DYM: variants seen among roughly 807,000 people sequenced by gnomAD.
The protein encoded by DYM is dymeclin.
In DYM, 78 loss-of-function variants were observed where a neutral mutation model predicts 93.1. That is an observed-to-expected ratio of 0.84 (90% confidence interval 0.70 to 1.01). The LOEUF is 1.01. Ranked by LOEUF, DYM falls within the 50% of genes least tolerant of loss-of-function variation. The pLI, the probability that DYM is intolerant of heterozygous loss-of-function variation, is 0.00. For synonymous variants in DYM, 321 were observed against 319.7 expected (o/e 1.00, Z -0.04); for missense variants, 789 against 845.0 (o/e 0.93, Z 0.82).
chr18:49,457,569 G>C lies in DYM; in HGVS notation c.-54+2829C>G, dbSNP rs530922336. 5.9e-5 allele frequency among the ~76,000 whole-genome samples: 9 copies of C among 152,236 alleles called. No homozygotes were observed. The South Asian group carries it at 1.7e-3, about 28-fold the overall frequency. ...CCATTCCCATTATCTACAATCCTAA[G>C]TAAAAGACGGCCCTCTCGTTGCATG... On this transcript the variant is annotated intron_variant, in intron 1 of 17. Transcript: ENST00000675505.
chr18:49,124,658 G>C (rs2082659489), intron 15 of DYM, among the ~76,000 whole-genome samples: 1 of 151,926 alleles, frequency 6.6e-6, no homozygotes, highest in Non-Finnish European at 1.5e-5. Flanking sequence ...CTCTTACATT[G>C]TTTCTGTGAC....
chr18:49,363,253 G>C lies in DYM; in HGVS notation c.422-20C>G. 6.3e-7 allele frequency: 1 copy of C among 1,590,604 alleles called. No homozygotes were observed. Among genetic ancestry groups the C allele is most frequent in the South Asian group, 1.1e-5 (1 of 90,296 alleles). On this transcript the variant is annotated intron_variant, in intron 5 of 17. Coordinates refer to ENST00000675505, the MANE Select transcript of DYM (RefSeq NM_001353214.3). ...CAGAACCTGGTAAGACACATAAAAA[G>C]ATTTTTTTTTAACAAAGTACACAGT...
intron 17 of DYM, among the ~76,000 whole-genome samples, chr18:49,083,450 G>T (rs766437729): frequency 1.3e-5 from 2 of 152,156 alleles, no homozygotes; most frequent in Non-Finnish European, 2.9e-5. Context: ...GTTCATGAGA[G>T]ATACTGGTCT....
chr18:49,092,261 G>A (rs761258799), intron 17 of DYM, among the ~76,000 whole-genome samples: 1 of 152,192 alleles, frequency 6.6e-6, no homozygotes, highest in Non-Finnish European at 1.5e-5. Context: ...AGCTGAACTT[G>A]CCTTGGGCCT....
intron 17 of DYM, among the ~76,000 whole-genome samples, chr18:49,084,867 C>T (rs192930237): frequency 6.6e-6 from 1 of 152,250 alleles, no homozygotes; most frequent in Admixed American, 6.5e-5. Flanking sequence ...AATATACACG[C>T]AGATGGTAAA....
At chr18:49,139,723 A>T (rs2084245781) in intron 15 of DYM, among the ~76,000 whole-genome samples, 1 of 152,198 alleles carries the variant, frequency 6.6e-6, no homozygotes, top group African/African-American at 2.4e-5. Flanking sequence ...TTTAGAGGAA[A>T]ATCTGGGTCT....
chr18:49,304,141 G>A (rs1411856496), intron 8 of DYM, among the ~76,000 whole-genome samples: 1 of 152,198 alleles, frequency 6.6e-6, no homozygotes, highest in Non-Finnish European at 1.5e-5. Context: ...GATGGTTTTA[G>A]GTTCCCTGGT....
At chr18:49,415,714 G>A (rs1238472177) in intron 2 of DYM, among the ~76,000 whole-genome samples, 1 of 151,870 alleles carries the variant, frequency 6.6e-6, no homozygotes, top group African/African-American at 2.4e-5. Flanking sequence ...GATTGCTTGA[G>A]GCCAGGAGTT....
intron 17 of DYM, among the ~76,000 whole-genome samples, chr18:49,090,787 C>G (rs1282724766): frequency 6.6e-6 from 1 of 152,132 alleles, no homozygotes; most frequent in Non-Finnish European, 1.5e-5. Context: ...TTTTACTCTG[C>G]TTGAACTATG....
At chr18:49,314,344 A>G (rs1020461550) in intron 8 of DYM, among the ~76,000 whole-genome samples, 5 of 152,208 alleles carry the variant, frequency 3.3e-5, no homozygotes, top group Non-Finnish European at 7.3e-5. Flanking sequence ...TACATTGAAC[A>G]TAATACTTTT....
At chr18:49,230,414 T>C (rs558556619) in intron 13 of DYM, among the ~76,000 whole-genome samples, 26 of 152,298 alleles carry the variant, frequency 1.7e-4, no homozygotes, top group African/African-American at 6.0e-4. Flanking sequence ...TCACATGTCT[T>C]TCCCATGCTA....
At chr18:49,309,381 T>A (rs559227233) in intron 8 of DYM, among the ~76,000 whole-genome samples, 35 of 152,206 alleles carry the variant, frequency 2.3e-4, no homozygotes. Flanking sequence ...ATGTCCATAA[T>A]CCCAGCATTT....
intron 8 of DYM, among the ~76,000 whole-genome samples, chr18:49,289,754 T>TATAC (rs1568181063): frequency 4.2e-5 from 2 of 47,530 alleles, no homozygotes; most frequent in Non-Finnish European, 7.4e-5. Context: ...TATATATATA[T>TATAC]ATATATATAT....
At chr18:49,370,922 C>T (rs947988055) in intron 5 of DYM, among the ~76,000 whole-genome samples, 1 of 152,160 alleles carries the variant, frequency 6.6e-6, no homozygotes. Context: ...AGGACTCCAA[C>T]CCTATAACCA....
At chr18:49,107,649 G>A (rs1464054035) in intron 16 of DYM, among the ~76,000 whole-genome samples, 1 of 152,232 alleles carries the variant, frequency 6.6e-6, no homozygotes, top group Admixed American at 6.5e-5. Context: ...CTGCAGGTCT[G>A]TTGGAGTTTG....
At chr18:49,425,693 T>G (rs2148405569) in intron 2 of DYM, among the ~76,000 whole-genome samples, 1 of 152,144 alleles carries the variant, frequency 6.6e-6, no homozygotes, top group East Asian at 1.9e-4. Context: ...TAAACAAATT[T>G]ACAAGAAAAA....
At chr18:49,448,848 T>C (rs756732013) in intron 1 of DYM, among the ~76,000 whole-genome samples, 1 of 152,242 alleles carries the variant, frequency 6.6e-6, no homozygotes, top group Non-Finnish European at 1.5e-5. Context: ...ATGGCCTTTT[T>C]ACTAGACCTT....
rs566506772 is a variant in DYM at position 49,312,982 on chromosome 18, T to C, written c.763+18882A>G. ...TGCCAGAGATAAGGCGTTATGTACA[T>C]GCACTTGTAATTAATCCTTGAAGCT... On this transcript the variant is annotated intron_variant, in intron 8 of 17. Coordinates refer to ENST00000675505, the MANE Select transcript of DYM (RefSeq NM_001353214.3). 4.5e-4 allele frequency among the ~76,000 whole-genome samples: 68 copies of C among 152,284 alleles called. No individual in the cohort carries two copies. In the South Asian group the frequency reaches 0.011, roughly 25 times the overall value.
chr18:49,258,486 T>C lies in DYM; in HGVS notation c.1259A>G (p.Lys420Arg). 1 of 1,592,216 alleles carries C rather than the reference T, an allele frequency of 6.3e-7. No homozygotes were observed. The highest frequency in any genetic ancestry group is 8.6e-7 in the Non-Finnish European group (1 of 1,160,240). The change falls in exon 12 of 18, where the codon AAA becomes AGA. Residue 420 changes from lysine to arginine, a missense_variant. Around this residue, in one of 3 missense-constraint regions of DYM, gnomAD observed 225 missense variants for 303.0 expected, o/e 0.74. Coordinates refer to ENST00000675505, the MANE Select transcript of DYM (RefSeq NM_001353214.3). ...TCGTTCTGAATACCAAGTAATATTT[T>C]TTAGTATCTGTAATGGGGAAGAAAA... ...FNRSIHEVIL[K>R]NITWYSERVL...
Sources: allele counts gnomAD v4.1 joint callset (sites outside exome capture counted in the v4.1 genomes callset), GRCh38; gene constraint gnomAD v4.1.1; regional missense constraint gnomAD v4.1.1; transcripts MANE v1.5; gene names NCBI Gene and HGNC (gene_info 2026-07-23, HGNC 2026-07-21).